LRRTM4: variants seen among roughly 807,000 people sequenced by gnomAD.
LRRTM4 encodes the protein leucine-rich repeat transmembrane neuronal protein 4.
LRRTM4 carries 25 observed loss-of-function variants against 47.6 expected under a neutral mutation model. The observed-to-expected ratio is 0.53, with a 90% confidence interval of 0.38 to 0.73. The LOEUF (loss-of-function observed/expected upper bound fraction) is 0.73, where lower values mean the gene tolerates loss of function less well. LRRTM4 is among the 30% of genes least tolerant of loss of function. LRRTM4 has a pLI of 0.00. For missense variants in LRRTM4, 638 were observed against 713.4 expected (o/e 0.89, Z 1.20); for synonymous variants, 311 against 269.5 (o/e 1.15, Z -1.51).
At chr2:77,002,377 A>T (rs1677464660) in intron 3 of LRRTM4, among the ~76,000 whole-genome samples, 1 of 152,114 alleles carries the variant, frequency 6.6e-6, no homozygotes, top group Admixed American at 6.6e-5. Context: ...TCTTGGCTAG[A>T]GGAAGTCATT....
intron 3 of LRRTM4, among the ~76,000 whole-genome samples, chr2:77,098,047 G>A (rs1464195725): frequency 1.3e-5 from 2 of 151,900 alleles, no homozygotes; most frequent in Non-Finnish European, 2.9e-5. Context: ...ACATTGTGAT[G>A]ATAAATTTGA....
chr2:77,326,751 G>A (rs1670792286), intron 3 of LRRTM4, among the ~76,000 whole-genome samples: 2 of 152,056 alleles, frequency 1.3e-5, no homozygotes, highest in Admixed American at 6.6e-5. Flanking sequence ...TCTCTAAATT[G>A]AATAGGATCT....
intron 3 of LRRTM4, among the ~76,000 whole-genome samples, chr2:77,015,240 G>A (rs545745510): frequency 7.9e-5 from 12 of 152,280 alleles, no homozygotes; most frequent in African/African-American, 2.6e-4. Flanking sequence ...CCTAAATCAC[G>A]TAAGCCAACT....
intron 3 of LRRTM4, among the ~76,000 whole-genome samples, chr2:77,185,327 C>T (rs1382835936): frequency 1.3e-5 from 2 of 152,148 alleles, no homozygotes; most frequent in East Asian, 3.9e-4. Flanking sequence ...CCCACTTGGC[C>T]ATAGATCAAA....
At chr2:77,490,438 T>C (rs1013421012) in intron 3 of LRRTM4, among the ~76,000 whole-genome samples, 1 of 151,982 alleles carries the variant, frequency 6.6e-6, no homozygotes, top group African/African-American at 2.4e-5. Flanking sequence ...AAAAAAATCA[T>C]AGGAAAGAAA....
intron 3 of LRRTM4, among the ~76,000 whole-genome samples, chr2:77,260,319 A>AT (rs1358935423): frequency 2.0e-5 from 3 of 151,194 alleles, no homozygotes; most frequent in African/African-American, 7.3e-5. Context: ...CCTGCATTAG[A>AT]TTTTCTCTAA....
intron 3 of LRRTM4, among the ~76,000 whole-genome samples, chr2:77,317,173 A>C (rs1275759266): frequency 1.3e-5 from 2 of 152,212 alleles, no homozygotes; most frequent in African/African-American, 4.8e-5. Context: ...ATATATTGCC[A>C]TCCAAATATT....
At chr2:77,507,086 TTA>T (rs1469887246) in intron 3 of LRRTM4, among the ~76,000 whole-genome samples, 1 of 151,998 alleles carries the variant, frequency 6.6e-6, no homozygotes, top group Non-Finnish European at 1.5e-5. Context: ...ATAAATAACT[TTA>T]TGTTTTCAAT....
At chr2:77,036,810 T>C (rs1409998416) in intron 3 of LRRTM4, among the ~76,000 whole-genome samples, 1 of 151,708 alleles carries the variant, frequency 6.6e-6, no homozygotes, top group Non-Finnish European at 1.5e-5. Context: ...AGCAAAAATG[T>C]GGTGAGACAT....
intron 3 of LRRTM4, among the ~76,000 whole-genome samples, chr2:76,908,389 C>T (rs1484026453): frequency 2.5e-4 from 38 of 151,934 alleles, no homozygotes; most frequent in African/African-American, 8.5e-4. Context: ...CAATATCATA[C>T]TGAATGGGCA....
At chr2:77,003,889 A>G (rs1166346476) in intron 3 of LRRTM4, among the ~76,000 whole-genome samples, 1 of 152,192 alleles carries the variant, frequency 6.6e-6, no homozygotes, top group Non-Finnish European at 1.5e-5. Flanking sequence ...TAGTGTTATG[A>G]ACAATAAAAT....
intron 3 of LRRTM4, among the ~76,000 whole-genome samples, chr2:77,176,150 A>T (rs567238129): frequency 6.6e-6 from 1 of 152,256 alleles, no homozygotes; most frequent in Non-Finnish European, 1.5e-5. Flanking sequence ...GTGTGAATAA[A>T]GTTATTTGAT....
intron 3 of LRRTM4, among the ~76,000 whole-genome samples, chr2:76,973,169 CAA>C (rs1313909909): frequency 9.2e-5 from 14 of 151,804 alleles, no homozygotes; most frequent in Non-Finnish European, 2.1e-4. Flanking sequence ...GAGACTCTGA[CAA>C]AGAGTTGGAA....
intron 3 of LRRTM4, among the ~76,000 whole-genome samples, chr2:77,164,021 G>C (rs1371054973): frequency 6.6e-6 from 1 of 152,126 alleles, no homozygotes; most frequent in Non-Finnish European, 1.5e-5. Flanking sequence ...TGGCAAATTG[G>C]ATAAGCAGTC....
chr2:76,969,063 T>C (rs1449510211), intron 3 of LRRTM4, among the ~76,000 whole-genome samples: 3 of 151,912 alleles, frequency 2.0e-5, no homozygotes, highest in African/African-American at 7.2e-5. Flanking sequence ...TACTCTCTAT[T>C]TCACTTTTTA....
chr2:77,289,841 C>T (rs1410566403), intron 3 of LRRTM4, among the ~76,000 whole-genome samples: 2 of 151,876 alleles, frequency 1.3e-5, no homozygotes, highest in African/African-American at 2.4e-5. Flanking sequence ...TATTTTACTG[C>T]CCATGTTTCT....
At chr2:77,477,201 G>A (rs148773815) in intron 3 of LRRTM4, among the ~76,000 whole-genome samples, 103 of 152,234 alleles carry the variant, frequency 6.8e-4, no homozygotes, top group Non-Finnish European at 8.7e-4. Flanking sequence ...GAAATCATTA[G>A]CATCATGTAC....
Position 77,165,168 on chromosome 2 carries a change from G to A in LRRTM4, c.1551+353150C>T, listed in dbSNP as rs904953095. ...CACACAGAAATAAGAAATACTATCA[G>A]AGAATACTATAAACATCTCTATGCA... On this transcript the variant is annotated intron_variant, in intron 3 of 3. Transcript: ENST00000409884. Among the ~76,000 whole-genome samples, 10 of 152,270 alleles carry A rather than the reference G, an allele frequency of 6.6e-5. No individual in the cohort carries two copies. The South Asian group carries it at 1.4e-3, about 22-fold the overall frequency.
At chr2:76,784,506 G>T (rs1416691644) in intron 3 of LRRTM4, among the ~76,000 whole-genome samples, 1 of 151,974 alleles carries the variant, frequency 6.6e-6, no homozygotes, top group African/African-American at 2.4e-5. Flanking sequence ...TTCTCACTGG[G>T]TGATAAGATT....
Sources: gnomAD v4.1 joint callset for allele counts (sites outside exome capture counted in the v4.1 genomes callset) on GRCh38, gnomAD v4.1.1 for gene constraint, MANE v1.5 for transcripts, NCBI Gene and HGNC (gene_info 2026-07-23, HGNC 2026-07-21) for gene names.